OXT: variants seen among roughly 807,000 people sequenced by gnomAD.
OXT encodes oxytocin-neurophysin 1 proprotein.
OXT carries 9 observed loss-of-function variants against 11.2 expected under a neutral mutation model. The ratio of observed to expected loss-of-function variants is 0.80; its 90% CI spans 0.49 to 1.40. The LOEUF is 1.40. Ranked by LOEUF, OXT falls within the 40% of genes most tolerant of loss-of-function variation. OXT has a pLI of 0.00. For synonymous variants in OXT, 76 were observed against 80.9 expected, an observed-to-expected ratio of 0.94 and a Z score of 0.33; for missense variants, 175 against 178.7, an observed-to-expected ratio of 0.98 and a Z score of 0.12.
At position 3,071,730 on chromosome 20, in the gene OXT, C is replaced by A; in HGVS notation, c.75C>A (p.Cys25Ter). 1.3e-6 allele frequency: 2 copies of A among 1,588,482 alleles called. No individual in the cohort carries two copies. The highest frequency in any genetic ancestry group is 1.1e-5 in the South Asian group (1 of 87,948). ...ALTSACYIQNCPLGGKRAAPD... is the reference protein window; with the variant it reads ...ALTSACYIQN ...CCTCCGCCTGCTACATCCAGAACTGCCCCCTGGGAGGCAAGAGGGCCGCGC... is the reference window on the plus strand; with the variant it reads ...CCTCCGCCTGCTACATCCAGAACTGACCCCTGGGAGGCAAGAGGGCCGCGC... The change falls in exon 1 of 3, where the codon TGC becomes TGA. Residue 25 changes from cysteine to a stop codon, truncating the protein, a stop_gained. Transcript: ENST00000217386. LOFTEE classifies it high-confidence loss of function. The surrounding 1 kb of genome is among the most constrained non-coding windows in gnomAD (Gnocchi z 4.8).
intron 1 of OXT, 22 bp from the exon 2 acceptor site, chr20:3,072,055 C>T: frequency 1.3e-6 from 2 of 1,500,972 alleles, no homozygotes; most frequent in South Asian, 2.5e-5. Flanking sequence ...CCGGCTCCCG[C>T]TCACCCCGCC....
At chr20:3,072,041 C>T in intron 1 of OXT, 36 bp from the exon 2 acceptor site, 1 of 1,484,278 alleles carries the variant, frequency 6.7e-7, no homozygotes, top group South Asian at 1.3e-5. Context: ...TCCCCAGCGC[C>T]GCCCCGGCTC....
Position 3,071,778 on chromosome 20 carries a change from G to A in OXT, c.120+3G>A. 3.8e-6 allele frequency: 6 copies of A among 1,567,788 alleles called. No individual in the cohort carries two copies. Among genetic ancestry groups the A allele is most frequent in the East Asian group, 4.7e-5 (2 of 42,868 alleles). On this transcript the variant is annotated splice_donor_region_variant and intron_variant, in intron 1 of 2. Coordinates refer to ENST00000217386, the MANE Select transcript of OXT (RefSeq NM_000915.4). The surrounding 1 kb of genome is among the most constrained non-coding windows in gnomAD (Gnocchi z 4.8). ...CGCCGGACCTCGACGTGCGCAAGGTGAGTCCCCAGCCCTGGTCCCGCGGCG... is the reference window on the plus strand; with the variant it reads ...CGCCGGACCTCGACGTGCGCAAGGTAAGTCCCCAGCCCTGGTCCCGCGGCG...
intron 1 of OXT, 37 bp from the exon 2 acceptor site, chr20:3,072,040 C>T (rs1197492571): frequency 2.0e-6 from 3 of 1,483,494 alleles, no homozygotes; most frequent in East Asian, 2.7e-5. Flanking sequence ...GTCCCCAGCG[C>T]CGCCCCGGCT....
Position 3,071,988 on chromosome 20 carries a change from G to T in OXT, c.121-89G>T. 2 of 1,379,562 alleles carry T rather than the reference G, an allele frequency of 1.4e-6. No homozygotes were observed. The highest frequency in any genetic ancestry group is 3.1e-5 in the African/African-American group (2 of 65,344). The allele number at this position is 1,379,562 out of a possible 1,614,324, so 85.5% of individuals were successfully genotyped here. A position where few individuals can be genotyped will look rare whatever the true frequency, so the allele number is the denominator to read the frequency against. On this transcript the variant is annotated intron_variant, in intron 1 of 2. Coordinates refer to ENST00000217386, the MANE Select transcript of OXT (RefSeq NM_000915.4). The surrounding 1 kb of genome is among the most constrained non-coding windows in gnomAD (Gnocchi z 4.8). ...CCGAACCCCGGACCCCAGCATCCTT[G>T]CCCGGCGCACCCCGGCCGGCCTCGC...
In OXT at chr20:3,071,935, G is replaced by A. The variant is rs1417836778; in HGVS notation, c.121-142G>A. ...CGAGGCCCCCACGGCGCCCCAGCGC[G>A]TCTCAGCCCCGCTGTCCCGCCCGAA... On this transcript the variant is annotated intron_variant, in intron 1 of 2. Coordinates refer to ENST00000217386, the MANE Select transcript of OXT (RefSeq NM_000915.4). The surrounding 1 kb of genome is among the most constrained non-coding windows in gnomAD (Gnocchi z 4.8). 8 of 1,349,110 alleles carry A rather than the reference G, an allele frequency of 5.9e-6. No homozygotes were observed. The African/African-American group carries it at 7.7e-5, about 13-fold the overall frequency. 83.6% of individuals were successfully genotyped at this position (1,349,110 alleles called of 1,614,324 possible).
chr20:3,072,477 A>G lies in OXT; in HGVS notation c.*59A>G. 1 of 1,556,846 alleles carries G rather than the reference A, an allele frequency of 6.4e-7. No homozygotes were observed. Among genetic ancestry groups the G allele is most frequent in the Non-Finnish European group, 8.8e-7 (1 of 1,130,296 alleles). ...CACTCGCTTCCCCCATAGCCACCCC[A>G]GAAATGGTGAAAATAAAATAAAGCA... On this transcript the variant is annotated 3_prime_UTR_variant, in exon 3 of 3. Coordinates refer to ENST00000217386, the MANE Select transcript of OXT (RefSeq NM_000915.4).
rs549522864 is a variant in OXT, at chr20:3,072,376, C to T, written c.336C>T (p.Ala112=). The T allele has an allele frequency of 2.5e-6, 4 of 1,611,362 alleles. No individual in the cohort carries two copies. Among genetic ancestry groups the T allele is most frequent in the East Asian group, 2.2e-5 (1 of 44,870 alleles). The change falls in exon 3 of 3, where the codon GCC becomes GCT. Residue 112 remains alanine, a synonymous_variant. Transcript: ENST00000217386. Reference sequence around the variant, plus strand: ...CTCTTCCTCCAGACGGCTGCCACGCCGACCCTGCCTGCGACGCGGAAGCCA... The same window carrying T: ...CTCTTCCTCCAGACGGCTGCCACGCTGACCCTGCCTGCGACGCGGAAGCCA... ...GLCCSPDGCH[A]DPACDAEATF...
At position 3,071,886 on chromosome 20, in the gene OXT, T is replaced by G. The variant is rs1209254548; in HGVS notation, c.120+111T>G. ...AGAACTCCAGGAGCTGAGCGGATTT[T>G]GACGCCCCGCCCTTGACCGCGGTCG... On this transcript the variant is annotated intron_variant, in intron 1 of 2. Coordinates refer to ENST00000217386, the MANE Select transcript of OXT (RefSeq NM_000915.4). The surrounding 1 kb of genome is among the most constrained non-coding windows in gnomAD (Gnocchi z 4.8). 2.8e-6 allele frequency: 4 copies of G among 1,411,260 alleles called. No individual in the cohort carries two copies. The highest frequency in any genetic ancestry group is 3.7e-6 in the Non-Finnish European group (4 of 1,081,650). The allele number at this position is 1,411,260 out of a possible 1,614,324, so 87.4% of individuals were successfully genotyped here. A position where few individuals can be genotyped will look rare whatever the true frequency, so the allele number is the denominator to read the frequency against.
chr20:3,071,663 G>A lies in OXT; in HGVS notation c.8G>A (p.Gly3Asp). 6.2e-7 allele frequency: 1 copy of A among 1,601,842 alleles called. No individual in the cohort carries two copies. The highest frequency in any genetic ancestry group is 2.2e-5 in the East Asian group (1 of 44,580). ...ACCCAGCGCACCCGCACCATGGCCG[G>A]CCCCAGCCTCGCTTGCTGTCTGCTC... The part of the protein sequence containing the change: MA[G>D]PSLACCLLGL... Residue 3 changes from glycine (G) to aspartate (D), a missense_variant, in exon 1 of 3, where the codon GGC becomes GAC. Transcript: ENST00000217386. The surrounding 1 kb of genome is among the most constrained non-coding windows in gnomAD (Gnocchi z 4.8).
chr20:3,072,024 G>A, intron 1 of OXT, 53 bp from the exon 2 acceptor site: 1 of 1,450,520 alleles, frequency 6.9e-7, no homozygotes. Context: ...AGGGTCCTCC[G>A]AGCGAGTCCC....
Position 3,072,430 on chromosome 20 carries a change from T to A in OXT, c.*12T>A. ...TCTCCCAGCGCTGAAACTTGATGGC[T>A]CCGAACACCCTCGAAGCGCGCCACT... On this transcript the variant is annotated 3_prime_UTR_variant, in exon 3 of 3. Transcript: ENST00000217386. The A allele has an allele frequency of 6.2e-7, 1 of 1,612,698 alleles. No homozygotes were observed.
At chr20:3,072,331 C>T (rs561782803) in intron 2 of OXT, 32 bp from the exon 3 acceptor site, 3 of 1,604,264 alleles carry the variant, frequency 1.9e-6, no homozygotes, top group South Asian at 1.1e-5. Context: ...GGGGTGCGGC[C>T]GGGATTCCCC....
In OXT at chr20:3,072,449, C is replaced by A. The variant is rs1389073345; in HGVS notation, c.*31C>A. 3.1e-6 allele frequency: 5 copies of A among 1,605,830 alleles called. No homozygotes were observed. The African/African-American group carries it at 6.7e-5, about 21-fold the overall frequency. On this transcript the variant is annotated 3_prime_UTR_variant, in exon 3 of 3. Coordinates refer to ENST00000217386, the MANE Select transcript of OXT (RefSeq NM_000915.4). ...GATGGCTCCGAACACCCTCGAAGCGCGCCACTCGCTTCCCCCATAGCCACC... is the reference window on the plus strand; with the variant it reads ...GATGGCTCCGAACACCCTCGAAGCGAGCCACTCGCTTCCCCCATAGCCACC...
In OXT at chr20:3,071,755, C is replaced by T. The variant is rs748761146; in HGVS notation, c.100C>T (p.Pro34Ser). The change falls in exon 1 of 3, where the codon CCG becomes TCG. Residue 34 changes from proline to serine, a missense_variant. Pro to Ser is a moderately conservative substitution (Grantham distance 74). Coordinates refer to ENST00000217386, the MANE Select transcript of OXT (RefSeq NM_000915.4). The surrounding 1 kb of genome is among the most constrained non-coding windows in gnomAD (Gnocchi z 4.8). Reference protein sequence around the residue: ...NCPLGGKRAAPDLDVRKCLPC... With the variant: ...NCPLGGKRAASDLDVRKCLPC... ...CCCCCTGGGAGGCAAGAGGGCCGCGCCGGACCTCGACGTGCGCAAGGTGAG... is the reference window on the plus strand; with the variant it reads ...CCCCCTGGGAGGCAAGAGGGCCGCGTCGGACCTCGACGTGCGCAAGGTGAG... 4 of 1,579,362 alleles carry T rather than the reference C, an allele frequency of 2.5e-6. No homozygotes were observed. In the Admixed American group the frequency reaches 5.3e-5, roughly 21 times the overall value.
In OXT at chr20:3,071,976, C is replaced by T; in HGVS notation, c.121-101C>T. On this transcript the variant is annotated intron_variant, in intron 1 of 2. Coordinates refer to ENST00000217386, the MANE Select transcript of OXT (RefSeq NM_000915.4). The surrounding 1 kb of genome is among the most constrained non-coding windows in gnomAD (Gnocchi z 4.8). ...CCCGCCCGAACTCCGAACCCCGGAC[C>T]CCAGCATCCTTGCCCGGCGCACCCC... The T allele has an allele frequency of 7.3e-7, 1 of 1,367,428 alleles. No homozygotes were observed. The allele number at this position is 1,367,428 out of a possible 1,614,324, so 84.7% of individuals were successfully genotyped here. A position where few individuals can be genotyped will look rare whatever the true frequency, so the allele number is the denominator to read the frequency against.
At position 3,071,752 on chromosome 20, in the gene OXT, G is replaced by T; in HGVS notation, c.97G>T (p.Ala33Ser). The T allele has an allele frequency of 6.3e-7, 1 of 1,581,372 alleles. No homozygotes were observed. Residue 33 changes from alanine to serine, a missense_variant, in exon 1 of 3, where the codon GCG (alanine) becomes TCG (serine). Physicochemically the swap from Ala to Ser is moderately conservative, Grantham distance 99 (BLOSUM62 1). Coordinates refer to ENST00000217386, the MANE Select transcript of OXT (RefSeq NM_000915.4). The surrounding 1 kb of genome is among the most constrained non-coding windows in gnomAD (Gnocchi z 4.8). ...QNCPLGGKRAAPDLDVRKCLP... is the reference protein window; with the variant it reads ...QNCPLGGKRASPDLDVRKCLP... ...CTGCCCCCTGGGAGGCAAGAGGGCC[G>T]CGCCGGACCTCGACGTGCGCAAGGT...
chr20:3,072,485 T>C lies in OXT; in HGVS notation c.*67T>C. 6.5e-7 allele frequency: 1 copy of C among 1,545,274 alleles called. No homozygotes were observed. The highest frequency in any genetic ancestry group is 1.1e-5 in the South Asian group (1 of 89,612). ...TCCCCCATAGCCACCCCAGAAATGG[T>C]GAAAATAAAATAAAGCAGGTTTTTC... On this transcript the variant is annotated 3_prime_UTR_variant, in exon 3 of 3. Transcript: ENST00000217386.
rs1568730109 is a variant in OXT at position 3,072,445 on chromosome 20, A to C, written c.*27A>C. ...ACTTGATGGCTCCGAACACCCTCGA[A>C]GCGCGCCACTCGCTTCCCCCATAGC... is the stretch of plus-strand genomic sequence containing the variant. On this transcript the variant is annotated 3_prime_UTR_variant, in exon 3 of 3. Transcript: ENST00000217386. 6.2e-7 allele frequency: 1 copy of C among 1,611,466 alleles called. No individual in the cohort carries two copies. Among genetic ancestry groups the C allele is most frequent in the Non-Finnish European group, 8.5e-7 (1 of 1,178,890 alleles).
Sources: gnomAD v4.1 joint callset for allele counts on GRCh38, gnomAD v4.1.1 for gene constraint, Gnocchi (gnomAD v3.1) non-coding constraint, MANE v1.5 for transcripts, NCBI Gene and HGNC (gene_info 2026-07-23, HGNC 2026-07-21) for gene names.